Variants in TMEM176B observed in about 807,000 individuals in gnomAD.
TMEM176B encodes transmembrane protein 176B.
TMEM176B carries 28 observed loss-of-function variants against 30.3 expected under a neutral mutation model. The ratio of observed to expected loss-of-function variants is 0.92; its 90% CI spans 0.68 to 1.27. The LOEUF (loss-of-function observed/expected upper bound fraction) is 1.27. Ranked by LOEUF, TMEM176B falls within the 50% of genes most tolerant of loss-of-function variation. TMEM176B has a pLI of 0.00. For missense variants in TMEM176B, 349 were observed against 327.4 expected, an observed-to-expected ratio of 1.07 and a Z score of -0.51; for synonymous variants, 123 against 130.3, an observed-to-expected ratio of 0.94 and a Z score of 0.38.
At chr7:150,792,547 T>C (rs1301146934) in intron 5 of TMEM176B, among the ~76,000 whole-genome samples, 1 of 152,182 alleles carries the variant, frequency 6.6e-6, no homozygotes, top group Non-Finnish European at 1.5e-5. Flanking sequence ...TTCTGTGCTA[T>C]GAGAAGCCCA....
chr7:150,800,921 C>T, upstream of TMEM176B: 1 of 985,578 alleles, frequency 1.0e-6, no homozygotes. Context: ...TAGGAGGGAC[C>T]CCCACCCAGG....
intron 5 of TMEM176B, among the ~76,000 whole-genome samples, chr7:150,792,495 C>A (rs373001237): frequency 2.6e-5 from 4 of 152,194 alleles, no homozygotes; most frequent in African/African-American, 9.7e-5. Flanking sequence ...TTTCTGTCTC[C>A]TGAAATGCTT....
rs138054282 is a variant in TMEM176B at position 150,796,471 on chromosome 7, C to T, written c.99G>A (p.Leu33=). The change falls in exon 2 of 7, where the codon TTG becomes TTA. Residue 33 remains leucine (L), a synonymous_variant. Coordinates refer to ENST00000326442, the MANE Select transcript of TMEM176B (RefSeq NM_001101312.2). The part of the protein sequence containing the change: ...VNVHIHQESA[L]TQLLKAGGSL... Reference sequence around the variant, plus strand: ...AACCTCCAGCTTTCAGCAGTTGTGTCAAAGCTGACTCCTGGTGGATGTGGA... The same window carrying T: ...AACCTCCAGCTTTCAGCAGTTGTGTTAAAGCTGACTCCTGGTGGATGTGGA... 2.5e-6 allele frequency: 4 copies of T among 1,614,044 alleles called. No homozygotes were observed. The highest frequency in any genetic ancestry group is 3.4e-6 in the Non-Finnish European group (4 of 1,180,030).
Position 150,794,162 on chromosome 7 carries a change from G to A in TMEM176B, c.205-91C>T, listed in dbSNP as rs1798430850. ...CAGCTGCCTGGCTCCTACCTAGGTG[G>A]CTCTCCTCTCCTTTTCCTCTGCCTT... On this transcript the variant is annotated intron_variant, in intron 2 of 6. Transcript: ENST00000326442. 7.8e-6 allele frequency: 7 copies of A among 892,734 alleles called. No homozygotes were observed. The South Asian group carries it at 1.1e-4, about 14-fold the overall frequency. 55.3% of individuals were successfully genotyped at this position (892,734 alleles called of 1,614,324 possible).
At chr7:150,799,389 T>C (rs1798669702) in intron 1 of TMEM176B, among the ~76,000 whole-genome samples, 1 of 152,252 alleles carries the variant, frequency 6.6e-6, no homozygotes, top group African/African-American at 2.4e-5. Flanking sequence ...TCCCCTCGTG[T>C]GGTTTTTCTT....
upstream of TMEM176B, chr7:150,800,655 A>T (rs925979584): frequency 1.3e-5 from 2 of 152,670 alleles, no homozygotes; most frequent in African/African-American, 4.8e-5. Flanking sequence ...ACCCTCGCGC[A>T]GCAGGAGAAC....
Position 150,791,411 on chromosome 7 carries a change from G to T in TMEM176B, c.*120C>A. The T allele has an allele frequency of 1.4e-6, 1 of 720,360 alleles. No homozygotes were observed. The highest frequency in any genetic ancestry group is 1.9e-5 in the South Asian group (1 of 53,470). The allele number at this position is 720,360 out of a possible 1,614,324, so 44.6% of individuals were successfully genotyped here. A position where few individuals can be genotyped will look rare whatever the true frequency, so the allele number is the denominator to read the frequency against. On this transcript the variant is annotated 3_prime_UTR_variant, in exon 7 of 7. Coordinates refer to ENST00000326442, the MANE Select transcript of TMEM176B (RefSeq NM_001101312.2). ...GGAACAGCAGGTGCGGATGTGGGGA[G>T]AAGAAAGGAGGAGGGTCTGGAGAGC...
At chr7:150,794,581 A>C (rs979222997) in intron 2 of TMEM176B, among the ~76,000 whole-genome samples, 1 of 151,852 alleles carries the variant, frequency 6.6e-6, no homozygotes, top group African/African-American at 2.4e-5. Context: ...AGCTGAAGAC[A>C]CACACTGAGG....
chr7:150,796,472 A>G lies in TMEM176B; in HGVS notation c.98T>C (p.Leu33Ser), dbSNP rs1302479343. ...VNVHIHQESA[L>S]TQLLKAGGSL... ...ACCTCCAGCTTTCAGCAGTTGTGTC[A>G]AAGCTGACTCCTGGTGGATGTGGAC... The change falls in exon 2 of 7, where the codon TTG becomes TCG. Residue 33 changes from leucine to serine, a missense_variant. Coordinates refer to ENST00000326442, the MANE Select transcript of TMEM176B (RefSeq NM_001101312.2). 1 of 1,614,080 alleles carries G rather than the reference A, an allele frequency of 6.2e-7. No individual in the cohort carries two copies. The highest frequency in any genetic ancestry group is 1.3e-5 in the African/African-American group (1 of 74,922).
Position 150,792,064 on chromosome 7 carries a change from G to A in TMEM176B, c.712C>T (p.Gln238Ter), listed in dbSNP as rs752671669. The A allele has an allele frequency of 7.4e-6, 12 of 1,613,620 alleles. No individual in the cohort carries two copies. The East Asian group carries it at 8.9e-5, about 12-fold the overall frequency. ...CCTCCCCGACAACTCACCAGGGGCT[G>A]GGAGCTCTGGCCACACAAGTTTCGA... ...GLRNLCGQSS[Q>*]PLNEEGSEKR... is the part of the protein sequence containing the mutation. Residue 238 changes from glutamine to a stop codon, truncating the protein, a stop_gained, in exon 6 of 7, where the codon CAG (glutamine) becomes TAG (stop). Coordinates refer to ENST00000326442, the MANE Select transcript of TMEM176B (RefSeq NM_001101312.2). LOFTEE classifies it high-confidence loss of function.
At chr7:150,794,772 G>A (rs746909016) in intron 2 of TMEM176B, among the ~76,000 whole-genome samples, 2 of 151,824 alleles carry the variant, frequency 1.3e-5, no homozygotes, top group Admixed American at 6.6e-5. Context: ...TTTCATAGGT[G>A]TCATACCCCA....
chr7:150,792,215 TA>T, intron 5 of TMEM176B, 40 bp from the exon 6 acceptor site: 1 of 1,607,630 alleles, frequency 6.2e-7, no homozygotes, highest in Non-Finnish European at 8.5e-7. Context: ...AGGTGTCAGC[TA>T]CTCCAATGCT....
chr7:150,799,262 C>A (rs1366221001), intron 1 of TMEM176B, among the ~76,000 whole-genome samples: 1 of 152,224 alleles, frequency 6.6e-6, no homozygotes, highest in Non-Finnish European at 1.5e-5. Flanking sequence ...ATGAAGTTCC[C>A]CTAGGAATGT....
chr7:150,798,881 G>C (rs1798639694), intron 1 of TMEM176B, among the ~76,000 whole-genome samples: 1 of 152,140 alleles, frequency 6.6e-6, no homozygotes. Context: ...TACCGTTTGT[G>C]ATATGAGTTT....
Position 150,797,509 on chromosome 7 carries a change from T to C in TMEM176B, c.-5-935A>G, listed in dbSNP as rs142499401. Reference sequence around the variant, plus strand: ...AAATGGGGAGACTTACATAATCTCTTTGAGGTGATCATCCTTGGCTACAAG... The same window carrying C: ...AAATGGGGAGACTTACATAATCTCTCTGAGGTGATCATCCTTGGCTACAAG... On this transcript the variant is annotated intron_variant, in intron 1 of 6. Coordinates refer to ENST00000326442, the MANE Select transcript of TMEM176B (RefSeq NM_001101312.2). Among the ~76,000 whole-genome samples the C allele has an allele frequency of 3.2e-3, 488 of 152,338 alleles. 5 individuals are homozygous for C. Among genetic ancestry groups the C allele is most frequent in the African/African-American group, 0.011 (476 of 41,572 alleles).
Position 150,792,042 on chromosome 7 carries a change from C to T in TMEM176B, c.720+14G>A, listed in dbSNP as rs748403867. Reference sequence around the variant, plus strand: ...AGACTCACGCTGCCCAGAGGCCCCTCCCCGACAACTCACCAGGGGCTGGGA... The same window carrying T: ...AGACTCACGCTGCCCAGAGGCCCCTTCCCGACAACTCACCAGGGGCTGGGA... On this transcript the variant is annotated intron_variant, in intron 6 of 6. Transcript: ENST00000326442. 3.1e-6 allele frequency: 5 copies of T among 1,613,360 alleles called. No individual in the cohort carries two copies. The highest frequency in any genetic ancestry group is 1.1e-5 in the South Asian group (1 of 90,980).
At chr7:150,801,331 T>TCA (rs1798776702), upstream of TMEM176B, 1 of 498,764 alleles carries the variant, frequency 2.0e-6, no homozygotes, top group Admixed American at 3.8e-5. Context: ...CCGCAGGCTC[T>TCA]GTAGTCGCCG....
intron 4 of TMEM176B, 47 bp from the exon 5 acceptor site, chr7:150,793,362 A>G (rs773116161): frequency 1.5e-5 from 23 of 1,571,008 alleles, no homozygotes; most frequent in Admixed American, 9.0e-5. Context: ...AATCGGTGGA[A>G]GAGTCATGAG....
At position 150,793,869 on chromosome 7, in the gene TMEM176B, C is replaced by A. The variant is rs1460414003; in HGVS notation, c.315+92G>T. On this transcript the variant is annotated intron_variant, in intron 3 of 6. Transcript: ENST00000326442. ...GCCATTTGGCTCCAGAGACTTTGGTCGCTTCCCCAAAGCCCCAACCAAGAT... is the reference window on the plus strand; with the variant it reads ...GCCATTTGGCTCCAGAGACTTTGGTAGCTTCCCCAAAGCCCCAACCAAGAT... 3 of 1,195,658 alleles carry A rather than the reference C, an allele frequency of 2.5e-6. No individual in the cohort carries two copies. The East Asian group carries it at 7.0e-5, about 28-fold the overall frequency. 74.1% of individuals were successfully genotyped at this position (1,195,658 alleles called of 1,614,324 possible).
Sources: gnomAD v4.1 joint callset for allele counts (sites outside exome capture counted in the v4.1 genomes callset) on GRCh38, gnomAD v4.1.1 for gene constraint, MANE v1.5 for transcripts, NCBI Gene and HGNC (gene_info 2026-07-23, HGNC 2026-07-21) for gene names.